Variants in PSTPIP1 observed in about 807,000 individuals in gnomAD.
The protein encoded by PSTPIP1 is proline-serine-threonine phosphatase interacting protein 1.
PSTPIP1 carries 66 observed loss-of-function variants against 69.6 expected under a neutral mutation model. The ratio of observed to expected loss-of-function variants is 0.95; its 90% confidence interval spans 0.78 to 1.16. PSTPIP1 has a LOEUF of 1.16. Among genes scored for constraint, PSTPIP1 ranks in the 50% most tolerant of loss-of-function variants. The probability of loss-of-function intolerance (pLI) is 0.00; values close to 1 mark genes in which losing one functional copy is unlikely to be tolerated. For missense variants in PSTPIP1, 603 were observed against 557.4 expected (o/e 1.08, Z -0.82); for synonymous variants, 266 against 222.7 (o/e 1.19, Z -1.73).
At chr15:77,031,090 G>A (rs1024648928) in intron 9 of PSTPIP1, 90 bp from the exon 10 acceptor site, 4 of 1,292,688 alleles carry the variant, frequency 3.1e-6, no homozygotes, top group Admixed American at 3.5e-5. Context: ...GGCTGGCCTG[G>A]TCAGCTCCGG....
At chr15:77,015,704 C>G (rs2076034487) in intron 1 of PSTPIP1, 3 of 351,438 alleles carry the variant, frequency 8.5e-6, no homozygotes, top group African/African-American at 6.4e-5. Context: ...GAGTCAGACC[C>G]ATGCCCTCGA....
intron 1 of PSTPIP1, among the ~76,000 whole-genome samples, chr15:77,000,182 A>G (rs995244997): frequency 6.6e-6 from 1 of 152,148 alleles, no homozygotes; most frequent in Non-Finnish European, 1.5e-5. Flanking sequence ...ACCGCTGCCG[A>G]GTGGGGCAGT....
intron 9 of PSTPIP1, among the ~76,000 whole-genome samples, chr15:77,030,886 G>A (rs2076398116): frequency 1.3e-5 from 2 of 152,346 alleles, no homozygotes; most frequent in African/African-American, 4.8e-5. Context: ...AGGGCCTGGG[G>A]AACAGGGCTC....
chr15:77,028,028 TTG>T, intron 6 of PSTPIP1, 114 bp downstream of exon 6: 3 of 1,040,194 alleles, frequency 2.9e-6, no homozygotes, highest in Non-Finnish European at 4.3e-6. Flanking sequence ...GACCTCAGCC[TTG>T]GTCCTCGGAC....
intron 1 of PSTPIP1, among the ~76,000 whole-genome samples, chr15:77,009,587 A>G (rs935311612): frequency 6.6e-6 from 1 of 152,172 alleles, no homozygotes; most frequent in African/African-American, 2.4e-5. Context: ...GGCTCCTCTC[A>G]GTTAACATGC....
At chr15:77,003,664 AAAAAG>A (rs2075759569) in intron 1 of PSTPIP1, among the ~76,000 whole-genome samples, 1 of 152,018 alleles carries the variant, frequency 6.6e-6, no homozygotes. Flanking sequence ...TCAAAAAAAA[AAAAAG>A]AAGAAGAAGG....
At chr15:77,030,979 T>C (rs892816858) in intron 9 of PSTPIP1, among the ~76,000 whole-genome samples, 3 of 152,180 alleles carry the variant, frequency 2.0e-5, no homozygotes, top group African/African-American at 7.2e-5. Flanking sequence ...AGGGACCCCC[T>C]GGGCATCTCC....
chr15:77,008,445 T>C (rs968649486), intron 1 of PSTPIP1, among the ~76,000 whole-genome samples: 2 of 152,212 alleles, frequency 1.3e-5, no homozygotes, highest in African/African-American at 4.8e-5. Context: ...AGTCCCACTC[T>C]GTTGACCAGG....
intron 1 of PSTPIP1, among the ~76,000 whole-genome samples, chr15:77,002,392 C>A (rs1261427574): frequency 6.6e-6 from 1 of 152,220 alleles, no homozygotes; most frequent in East Asian, 1.9e-4. Flanking sequence ...TTCTCTCCAT[C>A]CCCCATCTAA....
chr15:76,997,156 T>G (rs2075598578), intron 1 of PSTPIP1, among the ~76,000 whole-genome samples: 1 of 152,242 alleles, frequency 6.6e-6, no homozygotes, highest in Admixed American at 6.5e-5. Context: ...AGCCAGCCCC[T>G]GTGGAGCTTC....
At chr15:77,025,379 G>T in intron 4 of PSTPIP1, 61 bp downstream of exon 4, 2 of 1,581,436 alleles carry the variant, frequency 1.3e-6, no homozygotes, top group African/African-American at 1.3e-5. Flanking sequence ...TGGAGGGTTT[G>T]GGGGGACAGA....
chr15:77,036,050 G>C, intron 14 of PSTPIP1, 115 bp downstream of exon 14: 1 of 1,353,316 alleles, frequency 7.4e-7, no homozygotes. Context: ...TCATCTTCGA[G>C]CATCCTCTCC....
At chr15:77,015,230 A>G (rs777062015) in intron 1 of PSTPIP1, among the ~76,000 whole-genome samples, 1 of 152,174 alleles carries the variant, frequency 6.6e-6, no homozygotes, top group Non-Finnish European at 1.5e-5. Context: ...CAAAATAGAA[A>G]ATGGTTCCTG....
chr15:77,018,174 C>T lies in PSTPIP1; in HGVS notation c.63C>T (p.Gly21=), dbSNP rs1466599498. The change falls in exon 2 of 15, where the codon GGC becomes GGT. Residue 21 remains glycine, a synonymous_variant. Coordinates refer to ENST00000558012, the MANE Select transcript of PSTPIP1 (RefSeq NM_003978.5). ...FWCRDFTAHT[G]YEVLLQRLLD... is the part of the protein sequence containing the mutation. ...GCAGGGACTTCACAGCCCACACGGG[C>T]TACGAGGTGCTGCTGCAGCGGCTTC... is the stretch of plus-strand genomic sequence containing the variant. 1.3e-6 allele frequency: 2 copies of T among 1,588,200 alleles called. No homozygotes were observed. The highest frequency in any genetic ancestry group is 2.3e-5 in the South Asian group (2 of 86,816).
At chr15:77,025,144 G>A (rs570320785) in intron 3 of PSTPIP1, 140 bp from the exon 4 acceptor site, 2 of 904,344 alleles carry the variant, frequency 2.2e-6, no homozygotes, top group East Asian at 2.5e-5. Flanking sequence ...TGGCTAAAGG[G>A]TCCCTTGGTT....
intron 11 of PSTPIP1, 83 bp from the exon 12 acceptor site, chr15:77,032,779 G>A (rs2076452498): frequency 2.4e-6 from 3 of 1,247,930 alleles, no homozygotes; most frequent in Non-Finnish European, 1.1e-6. Flanking sequence ...GCCAGATTGG[G>A]AATGTAGGGC....
chr15:77,006,884 T>C (rs1429661825), intron 1 of PSTPIP1, among the ~76,000 whole-genome samples: 1 of 152,228 alleles, frequency 6.6e-6, no homozygotes, highest in Admixed American at 6.5e-5. Flanking sequence ...GTGTGAGTCC[T>C]CCAAACTTAT....
intron 14 of PSTPIP1, 97 bp from the exon 15 acceptor site, chr15:77,036,948 C>G (rs1162874516): frequency 3.3e-6 from 5 of 1,505,474 alleles, no homozygotes; most frequent in South Asian, 2.5e-5. Flanking sequence ...GGGAGACATG[C>G]CGCATTTACT....
chr15:76,994,933 C>T (rs575371049), upstream of PSTPIP1: 2 of 1,253,014 alleles, frequency 1.6e-6, no homozygotes, highest in Middle Eastern at 2.2e-4. Context: ...CTGGGCCCCT[C>T]CTGGCCACAC....
Sources: allele counts gnomAD v4.1 joint callset (sites outside exome capture counted in the v4.1 genomes callset), GRCh38; gene constraint gnomAD v4.1.1; transcripts MANE v1.5; gene names NCBI Gene and HGNC (gene_info 2026-07-23, HGNC 2026-07-21).